Variants in LRP5 observed in about 807,000 individuals in gnomAD.
The protein encoded by LRP5 is low-density lipoprotein receptor-related protein 5.
In LRP5, 62 loss-of-function variants were observed where a neutral mutation model predicts 154.1. That is an observed-to-expected ratio of 0.40 (90% CI 0.33 to 0.50). The LOEUF (loss-of-function observed/expected upper bound fraction) is 0.50, where lower values mean the gene tolerates loss of function less well. Among genes scored for constraint, LRP5 ranks in the 20% least tolerant of loss-of-function variants. The pLI, the probability that LRP5 is intolerant of heterozygous loss-of-function variation, is 0.55. For missense variants in LRP5, 1,915 were observed against 2,336.7 expected, an observed-to-expected ratio of 0.82 and a Z score of 3.72; for synonymous variants, 966 against 1,011.5, an observed-to-expected ratio of 0.96 and a Z score of 0.85.
At chr11:68,308,959 TAACTCTGTCGCCCAGGCTG>T (rs2153109149), upstream of LRP5, among the ~76,000 whole-genome samples, 1 of 123,692 alleles carries the variant, frequency 8.1e-6, no homozygotes, top group Admixed American at 1.1e-4. Context: ...AGACGGAGTC[TAACTCTGTCGCCCAGGCTG>T]GATGGAGTGC....
At chr11:68,336,151 C>T (rs896530869) in intron 1 of LRP5, among the ~76,000 whole-genome samples, 3 of 152,234 alleles carry the variant, frequency 2.0e-5, no homozygotes, top group Non-Finnish European at 4.4e-5. Context: ...AGCTTGTCCA[C>T]GAAGAAGCTG....
intron 1 of LRP5, among the ~76,000 whole-genome samples, chr11:68,324,293 C>T (rs2098598399): frequency 6.6e-6 from 1 of 152,266 alleles, no homozygotes; most frequent in African/African-American, 2.4e-5. Context: ...GGGACAGATC[C>T]CCGGGACCTA....
chr11:68,308,674 C>A (rs1344194147), upstream of LRP5, among the ~76,000 whole-genome samples: 1 of 152,032 alleles, frequency 6.6e-6, no homozygotes, highest in Admixed American at 6.6e-5. Context: ...GTTCTCAAGG[C>A]TCCGGTTGGA....
chr11:68,429,707 G>A lies in LRP5; in HGVS notation c.3763+7G>A, dbSNP rs761867255. The A allele has an allele frequency of 3.7e-6, 6 of 1,614,046 alleles. No individual in the cohort carries two copies. The highest frequency in any genetic ancestry group is 5.1e-6 in the Non-Finnish European group (6 of 1,180,036). ...AACCTGCTGACCTGTGGAGGTAGGT[G>A]TGACCTAGGTGCTCCTTTGGGGTGA... On this transcript the variant is annotated splice_region_variant and intron_variant, in intron 17 of 22. Transcript: ENST00000294304.
chr11:68,308,262 G>T (rs535621606), upstream of LRP5, among the ~76,000 whole-genome samples: 11 of 152,290 alleles, frequency 7.2e-5, no homozygotes, highest in South Asian at 1.5e-3. Context: ...GGTTGGGGGG[G>T]GCTCTTGTGC....
intron 3 of LRP5, among the ~76,000 whole-genome samples, 165 bp from the exon 4 acceptor site, chr11:68,363,582 G>T (rs559117982): frequency 4.6e-5 from 7 of 151,890 alleles, no homozygotes; most frequent in Non-Finnish European, 8.8e-5. Context: ...GCTTGAACCC[G>T]GGAGGCGGAG....
intron 5 of LRP5, among the ~76,000 whole-genome samples, chr11:68,374,877 CAG>C (rs1394374036): frequency 2.0e-5 from 3 of 152,206 alleles, no homozygotes; most frequent in Non-Finnish European, 4.4e-5. Flanking sequence ...AGCGGGGGCA[CAG>C]GGGGAATGGC....
At chr11:68,345,601 G>A (rs1397295457) in intron 1 of LRP5, among the ~76,000 whole-genome samples, 1 of 152,184 alleles carries the variant, frequency 6.6e-6, no homozygotes, top group Non-Finnish European at 1.5e-5. Flanking sequence ...CCATGTTTTA[G>A]CTGTTGGGAA....
chr11:68,418,726 T>C (rs2098663953), intron 13 of LRP5, among the ~76,000 whole-genome samples: 1 of 152,230 alleles, frequency 6.6e-6, no homozygotes, highest in Non-Finnish European at 1.5e-5. Context: ...GAGCCATGCC[T>C]GGCTCCCTGG....
chr11:68,312,859 G>C (rs2098589542), intron 1 of LRP5, 54 bp downstream of exon 1: 2 of 944,702 alleles, frequency 2.1e-6, no homozygotes, highest in South Asian at 9.5e-5. Flanking sequence ...AATGGCCCGG[G>C]CGGCCCCGCG....
At chr11:68,331,589 C>CT (rs892375952) in intron 1 of LRP5, among the ~76,000 whole-genome samples, 74 of 152,330 alleles carry the variant, frequency 4.9e-4, no homozygotes, top group Non-Finnish European at 7.3e-5. Context: ...ACCTCATTTT[C>CT]TTTTTATCTT....
upstream of LRP5, among the ~76,000 whole-genome samples, chr11:68,311,947 C>T (rs191451591): frequency 5.3e-5 from 8 of 152,362 alleles, no homozygotes; most frequent in East Asian, 1.5e-3. Context: ...TGAGCTGACA[C>T]CGGTGGGCAA....
intron 10 of LRP5, 126 bp downstream of exon 10, chr11:68,410,266 T>G: frequency 1.3e-6 from 1 of 783,608 alleles, no homozygotes; most frequent in Non-Finnish European, 2.2e-6. Context: ...CTGACGTCAT[T>G]AGCCTTGATG....
chr11:68,317,986 G>A (rs982682131), intron 1 of LRP5, among the ~76,000 whole-genome samples: 2 of 151,988 alleles, frequency 1.3e-5, no homozygotes, highest in African/African-American at 2.4e-5. Flanking sequence ...TGCTCTATTG[G>A]AGTGTATTTA....
chr11:68,398,801 C>G (rs995765635), intron 7 of LRP5, among the ~76,000 whole-genome samples: 1 of 152,210 alleles, frequency 6.6e-6, no homozygotes, highest in South Asian at 2.1e-4. Flanking sequence ...AGTGCTATGG[C>G]ATGGCTCGCT....
At chr11:68,394,424 G>T (rs772613370) in intron 7 of LRP5, among the ~76,000 whole-genome samples, 6 of 151,946 alleles carry the variant, frequency 3.9e-5, no homozygotes, top group African/African-American at 1.5e-4. Flanking sequence ...ACTTGCTGGG[G>T]CCTTCGTGTC....
upstream of LRP5, chr11:68,312,501 C>G (rs2098588785): frequency 1.4e-5 from 2 of 146,658 alleles, no homozygotes; most frequent in East Asian, 4.0e-4. Flanking sequence ...CGCGGGAGGG[C>G]GCGGCCGGTG....
chr11:68,332,572 G>A (rs891826143), intron 1 of LRP5, among the ~76,000 whole-genome samples: 4 of 152,256 alleles, frequency 2.6e-5, no homozygotes, highest in Admixed American at 1.3e-4. Context: ...AGGAGGCCAG[G>A]TCACATTCAG....
chr11:68,386,250 C>A lies in LRP5; in HGVS notation c.1016-66C>A, dbSNP rs1290560404. On this transcript the variant is annotated intron_variant, in intron 5 of 22. Transcript: ENST00000294304. This position sits in a 1 kb window ranked among gnomAD's most constrained non-coding sequence, Gnocchi z 7.9. ...TGAGTATTTCCCTTGCCCGGCCCAC[C>A]CCAGGCCTAGACTTGTGCCTGCTGC... 6 of 1,595,174 alleles carry A rather than the reference C, an allele frequency of 3.8e-6. No individual in the cohort carries two copies. In the East Asian group the frequency reaches 1.3e-4, roughly 36 times the overall value.
Sources: gnomAD v4.1 joint callset for allele counts (sites outside exome capture counted in the v4.1 genomes callset) on GRCh38, gnomAD v4.1.1 for gene constraint, Gnocchi (gnomAD v3.1) non-coding constraint, MANE v1.5 for transcripts, NCBI Gene and HGNC (gene_info 2026-07-23, HGNC 2026-07-21) for gene names.